Variants in KCNIP4 observed in about 807,000 individuals in gnomAD.
KCNIP4 encodes the protein Kv channel-interacting protein 4.
Under a neutral mutation model 34.0 loss-of-function variants are expected in KCNIP4, and 12 were observed. That is an observed-to-expected ratio of 0.35 (90% CI 0.23 to 0.57). The LOEUF (loss-of-function observed/expected upper bound fraction) is 0.57, where lower values mean the gene tolerates loss of function less well. KCNIP4 is among the 20% of genes least tolerant of loss of function. KCNIP4 has a pLI of 0.83. For missense variants in KCNIP4, 238 were observed against 311.7 expected (o/e 0.76, Z 1.78); for synonymous variants, 124 against 102.2 (o/e 1.21, Z -1.29).
At chr4:21,812,504 A>C (rs1721721779) in intron 1 of KCNIP4, among the ~76,000 whole-genome samples, 1 of 152,228 alleles carries the variant, frequency 6.6e-6, no homozygotes, top group South Asian at 2.1e-4. Flanking sequence ...ACCATGAGCT[A>C]TCAGCTGTCA....
At chr4:21,662,378 T>C (rs950862752) in intron 1 of KCNIP4, among the ~76,000 whole-genome samples, 4 of 152,234 alleles carry the variant, frequency 2.6e-5, no homozygotes, top group African/African-American at 9.6e-5. Context: ...GATTTCTCCG[T>C]ACCAATACAT....
At chr4:21,775,360 C>T (rs574736533) in intron 1 of KCNIP4, among the ~76,000 whole-genome samples, 32 of 152,240 alleles carry the variant, frequency 2.1e-4, no homozygotes, top group African/African-American at 7.0e-4. Flanking sequence ...CCTCTGACCT[C>T]GAGGGCCACC....
intron 8 of KCNIP4, chr4:20,731,304 C>T: frequency 1.3e-6 from 1 of 768,732 alleles, no homozygotes. Context: ...AAAATCCTGG[C>T]CTTAAGTTAT....
intron 1 of KCNIP4, among the ~76,000 whole-genome samples, chr4:21,422,649 A>C (rs1053340401): frequency 7.6e-6 from 1 of 132,264 alleles, no homozygotes; most frequent in African/African-American, 2.9e-5. Context: ...AACATCGTTT[A>C]TGTGTGTGTT....
At chr4:21,461,123 T>C (rs1478058505) in intron 1 of KCNIP4, among the ~76,000 whole-genome samples, 1 of 152,012 alleles carries the variant, frequency 6.6e-6, no homozygotes, top group African/African-American at 2.4e-5. Flanking sequence ...ATCATGGAGG[T>C]GGTCTCTAAT....
chr4:21,864,614 T>C (rs1258545940), intron 1 of KCNIP4, among the ~76,000 whole-genome samples: 1 of 152,240 alleles, frequency 6.6e-6, no homozygotes, highest in East Asian at 1.9e-4. Context: ...ACAAGGTATA[T>C]ATTTTTCAAT....
Position 21,556,920 on chromosome 4 carries a change from C to CAAAAAAAAAAAAAA in KCNIP4, c.61+391650_61+391651insTTTTTTTTTTTTTT, listed in dbSNP as rs1281543089. 3.9e-4 allele frequency among the ~76,000 whole-genome samples: 14 copies of CAAAAAAAAAAAAAA among 35,636 alleles called. 1 individual carries two copies. Among genetic ancestry groups the CAAAAAAAAAAAAAA allele is most frequent in the East Asian group, 3.8e-3 (3 of 794 alleles). The allele number at this position is 35,636 out of a possible 152,430, so 23.4% of individuals were successfully genotyped here. ...TGATCAACAAAGCAAGACTCCATCT[C>CAAAAAAAAAAAAAA]AGAAAAAAAAAAAAAAAAAAAAACC... On this transcript the variant is annotated intron_variant, in intron 1 of 8. Coordinates refer to ENST00000382152, the MANE Select transcript of KCNIP4 (RefSeq NM_025221.6).
chr4:21,358,442 T>G (rs1316072870), intron 1 of KCNIP4, among the ~76,000 whole-genome samples: 1 of 152,166 alleles, frequency 6.6e-6, no homozygotes, highest in Non-Finnish European at 1.5e-5. Context: ...GATTCATGAT[T>G]ACCACAGAGC....
chr4:20,834,368 T>C (rs1425488380), intron 3 of KCNIP4, among the ~76,000 whole-genome samples: 1 of 152,156 alleles, frequency 6.6e-6, no homozygotes, highest in Non-Finnish European at 1.5e-5. Flanking sequence ...GTACTGGGTA[T>C]ATGTGGGTAA....
chr4:21,860,533 T>A (rs1461569635), intron 1 of KCNIP4, among the ~76,000 whole-genome samples: 2 of 152,220 alleles, frequency 1.3e-5, no homozygotes, highest in Admixed American at 1.3e-4. Flanking sequence ...TAAAAGAATA[T>A]AATTATTTTA....
intron 1 of KCNIP4, among the ~76,000 whole-genome samples, chr4:20,991,027 C>G (rs886086670): frequency 6.6e-6 from 1 of 152,096 alleles, no homozygotes; most frequent in Non-Finnish European, 1.5e-5. Flanking sequence ...ATCATTAACC[C>G]CATTATATAG....
intron 1 of KCNIP4, among the ~76,000 whole-genome samples, chr4:21,070,983 G>A (rs151331080): frequency 2.5e-4 from 38 of 152,026 alleles, no homozygotes; most frequent in African/African-American, 7.9e-4. Context: ...CCTGAGTTGT[G>A]AGTTTTTAAA....
intron 1 of KCNIP4, among the ~76,000 whole-genome samples, chr4:21,664,485 G>T (rs1299967243): frequency 6.6e-6 from 1 of 151,990 alleles, no homozygotes; most frequent in African/African-American, 2.4e-5. Flanking sequence ...AAATATTTCT[G>T]CTTGCCATCT....
At chr4:20,873,951 G>T (rs17632634) in intron 2 of KCNIP4, among the ~76,000 whole-genome samples, 1 of 152,020 alleles carries the variant, frequency 6.6e-6, no homozygotes, top group Admixed American at 6.6e-5. Flanking sequence ...TTCTTCTCCA[G>T]AGGGCCCTGC....
intron 1 of KCNIP4, among the ~76,000 whole-genome samples, chr4:21,246,098 A>T (rs952156964): frequency 2.6e-5 from 4 of 152,184 alleles, no homozygotes; most frequent in African/African-American, 9.6e-5. Context: ...CACATTAGGC[A>T]GATGAAGAGA....
chr4:21,444,860 T>A (rs1727835184), intron 1 of KCNIP4, among the ~76,000 whole-genome samples: 1 of 152,194 alleles, frequency 6.6e-6, no homozygotes, highest in African/African-American at 2.4e-5. Flanking sequence ...ATGACATGAT[T>A]GTATACCTAG....
rs36004947 is a variant in KCNIP4 at position 21,691,691 on chromosome 4, C to CTTTT, written c.61+256876_61+256879dup. The stretch of plus-strand genomic sequence containing the variant: ...TTTAGCAAGAGGGGCAAACGCAGCT[C>CTTTT]TTTTTTTTTTTTTTTTTTTTTTTCT... On this transcript the variant is annotated intron_variant, in intron 1 of 8. Coordinates refer to ENST00000382152, the MANE Select transcript of KCNIP4 (RefSeq NM_025221.6). Among the ~76,000 whole-genome samples, 825 of 103,112 alleles carry CTTTT rather than the reference C, an allele frequency of 8.0e-3. 22 individuals are homozygous for CTTTT. Among genetic ancestry groups the CTTTT allele is most frequent in the Non-Finnish European group, 0.011 (589 of 53,624 alleles). The allele number at this position is 103,112 out of a possible 152,430, so 67.6% of individuals were successfully genotyped here. A position where few individuals can be genotyped will look rare whatever the true frequency, so the allele number is the denominator to read the frequency against.
intron 1 of KCNIP4, among the ~76,000 whole-genome samples, chr4:21,173,611 G>T (rs1237958511): frequency 6.6e-6 from 1 of 152,130 alleles, no homozygotes; most frequent in Non-Finnish European, 1.5e-5. Context: ...TTCCACGGAG[G>T]AGGAAACTGA....
intron 1 of KCNIP4, among the ~76,000 whole-genome samples, chr4:20,904,905 G>A (rs1005595515): frequency 3.3e-5 from 5 of 152,158 alleles, no homozygotes; most frequent in African/African-American, 1.2e-4. Context: ...GGAGAAGGAG[G>A]AGGAGGAAGA....
Sources: gnomAD v4.1 joint callset for allele counts (sites outside exome capture counted in the v4.1 genomes callset) on GRCh38, gnomAD v4.1.1 for gene constraint, MANE v1.5 for transcripts, NCBI Gene and HGNC (gene_info 2026-07-23, HGNC 2026-07-21) for gene names.